CD4: variants seen among roughly 807,000 people sequenced by gnomAD.
CD4 encodes the protein T-cell surface glycoprotein CD4.
Under a neutral mutation model 50.5 loss-of-function variants are expected in CD4, and 25 were observed. The observed-to-expected ratio is 0.49, with a 90% CI of 0.36 to 0.69. CD4 has a LOEUF of 0.69. Ranked by LOEUF, CD4 falls within the 30% of genes least tolerant of loss-of-function variation. The pLI is 0.00. For synonymous variants in CD4, 207 were observed against 221.9 expected (o/e 0.93, Z 0.60); for missense variants, 456 against 548.5 (o/e 0.83, Z 1.68).
At chr12:6,812,934 G>A (rs1942980874) in intron 3 of CD4, among the ~76,000 whole-genome samples, 3 of 151,658 alleles carry the variant, frequency 2.0e-5, no homozygotes. Flanking sequence ...TTTAAATGGG[G>A]TCTCATTCTG....
intron 3 of CD4, among the ~76,000 whole-genome samples, chr12:6,809,390 G>C (rs1205255900): frequency 6.6e-6 from 1 of 152,048 alleles, no homozygotes; most frequent in Non-Finnish European, 1.5e-5. Flanking sequence ...CAGTTACTTG[G>C]GGGGCTGAGG....
chr12:6,807,078 A>G (rs968814399), intron 3 of CD4, among the ~76,000 whole-genome samples: 4 of 152,188 alleles, frequency 2.6e-5, no homozygotes, highest in African/African-American at 9.6e-5. Flanking sequence ...GAGGCAGGAG[A>G]ATGGTGTGAA....
intron 4 of CD4, 55 bp from the exon 5 acceptor site, chr12:6,814,704 G>A: frequency 7.8e-7 from 1 of 1,278,526 alleles, no homozygotes; most frequent in Non-Finnish European, 1.1e-6. Context: ...CCTGTTGTCT[G>A]CCCTTCTCCT....
intron 1 of CD4, among the ~76,000 whole-genome samples, chr12:6,789,945 A>G (rs1214932205): frequency 6.6e-6 from 1 of 152,230 alleles, no homozygotes; most frequent in Non-Finnish European, 1.5e-5. Context: ...TAGCAAGATC[A>G]GAGAGGGAGT....
intron 3 of CD4, among the ~76,000 whole-genome samples, chr12:6,810,649 A>G (rs1275998672): frequency 1.3e-5 from 2 of 152,204 alleles, no homozygotes; most frequent in Admixed American, 6.5e-5. Context: ...AGAAAAACGA[A>G]TCATACTTAG....
chr12:6,813,030 C>T (rs1056172588), intron 3 of CD4, among the ~76,000 whole-genome samples: 9 of 152,024 alleles, frequency 5.9e-5, no homozygotes, highest in Middle Eastern at 6.8e-3. Context: ...CCTCAGCCTC[C>T]GGCATAGCTG....
At chr12:6,811,485 CTTTTTCT>C (rs1323029983) in intron 3 of CD4, among the ~76,000 whole-genome samples, 1 of 132,690 alleles carries the variant, frequency 7.5e-6, no homozygotes, top group African/African-American at 3.1e-5. Flanking sequence ...TTTTTCTTTT[CTTTTTCT>C]TTTTTTTTTT....
chr12:6,800,948 C>T (rs1429271247), intron 3 of CD4, among the ~76,000 whole-genome samples: 5 of 151,788 alleles, frequency 3.3e-5, no homozygotes, highest in African/African-American at 9.7e-5. Context: ...TTCTATCACC[C>T]AGGCTCCAGT....
intron 1 of CD4, among the ~76,000 whole-genome samples, chr12:6,797,841 T>C (rs560290190): frequency 3.4e-4 from 52 of 152,328 alleles, no homozygotes; most frequent in African/African-American, 1.2e-3. Flanking sequence ...CAAAATAGAA[T>C]GTATGATCGG....
intron 1 of CD4, among the ~76,000 whole-genome samples, chr12:6,797,888 G>T (rs1942418599): frequency 6.6e-6 from 1 of 152,160 alleles, no homozygotes; most frequent in Non-Finnish European, 1.5e-5. Flanking sequence ...GGGACGAGCA[G>T]GAGACAGATG....
intron 3 of CD4, among the ~76,000 whole-genome samples, chr12:6,804,131 T>C (rs1163408832): frequency 6.7e-6 from 1 of 148,848 alleles, no homozygotes; most frequent in African/African-American, 2.5e-5. Flanking sequence ...AATAAATAAA[T>C]AAATAAATAA....
intron 3 of CD4, among the ~76,000 whole-genome samples, chr12:6,809,792 A>T (rs1942882118): frequency 1.3e-5 from 2 of 151,600 alleles, no homozygotes; most frequent in Admixed American, 6.6e-5. Flanking sequence ...TGCACCCAGG[A>T]GGTTTCCCCA....
chr12:6,818,627 T>G lies in CD4; in HGVS notation c.1278+85T>G. The stretch of plus-strand genomic sequence containing the variant: ...AGATCCTGTATATGGGAACTGATTT[T>G]GGCCCAGCTCCCTCTGCCCACTCGT... On this transcript the variant is annotated intron_variant, in intron 8 of 9. Coordinates refer to ENST00000011653, the MANE Select transcript of CD4 (RefSeq NM_000616.5). This position sits in a 1 kb window ranked among gnomAD's most constrained non-coding sequence, Gnocchi z 5.0. 1 of 1,553,370 alleles carries G rather than the reference T, an allele frequency of 6.4e-7. No individual in the cohort carries two copies. Among genetic ancestry groups the G allele is most frequent in the Non-Finnish European group, 8.8e-7 (1 of 1,133,768 alleles).
chr12:6,809,786 C>T (rs1408312506), intron 3 of CD4, among the ~76,000 whole-genome samples: 1 of 152,170 alleles, frequency 6.6e-6, no homozygotes, highest in African/African-American at 2.4e-5. Context: ...AACCTCTGCA[C>T]CCAGGAGGTT....
intron 6 of CD4, 21 bp from the exon 7 acceptor site, chr12:6,817,109 C>G: frequency 6.2e-7 from 1 of 1,606,500 alleles, no homozygotes; most frequent in Non-Finnish European, 8.5e-7. Flanking sequence ...CCTTTGATCT[C>G]AGCCTCTCGT....
At chr12:6,796,362 A>G (rs1942376949) in intron 1 of CD4, among the ~76,000 whole-genome samples, 1 of 152,220 alleles carries the variant, frequency 6.6e-6, no homozygotes, top group Non-Finnish European at 1.5e-5. Context: ...CACTGGGGGA[A>G]AGAAGGACCA....
chr12:6,817,821 TCACA>T (rs1387438870), intron 7 of CD4, among the ~76,000 whole-genome samples: 2 of 149,088 alleles, frequency 1.3e-5, no homozygotes, highest in African/African-American at 5.0e-5. Flanking sequence ...ACCCATGCAC[TCACA>T]CACTGTCACA....
At chr12:6,815,886 G>C in intron 5 of CD4, 170 bp from the exon 6 acceptor site, 1 of 1,523,298 alleles carries the variant, frequency 6.6e-7, no homozygotes, top group South Asian at 1.2e-5. Flanking sequence ...TGGAAGAAGG[G>C]AGAGAAGGCT....
chr12:6,800,801 A>T (rs186053677), intron 3 of CD4, among the ~76,000 whole-genome samples: 4 of 152,324 alleles, frequency 2.6e-5, no homozygotes, highest in African/African-American at 9.6e-5. Flanking sequence ...ACTCATATGT[A>T]TAATCCTAGC....
Sources: allele counts gnomAD v4.1 joint callset (sites outside exome capture counted in the v4.1 genomes callset), GRCh38; gene constraint gnomAD v4.1.1; non-coding constraint Gnocchi (gnomAD v3.1); transcripts MANE v1.5; gene names NCBI Gene and HGNC (gene_info 2026-07-23, HGNC 2026-07-21).